DNAH7: variants seen among roughly 807,000 people sequenced by gnomAD.
DNAH7 encodes dynein axonemal heavy chain 7.
A neutral mutation model predicts 444.6 loss-of-function variants in DNAH7; 397 were observed. The observed-to-expected ratio is 0.89, with a 90% confidence interval of 0.82 to 0.97. The LOEUF is 0.97. Ranked by LOEUF, DNAH7 falls within the 50% of genes least tolerant of loss-of-function variation. DNAH7 has a pLI of 0.00. For synonymous variants in DNAH7, 1,636 were observed against 1,624.4 expected, an observed-to-expected ratio of 1.01 and a Z score of -0.17; for missense variants, 4,902 against 4,800.8, an observed-to-expected ratio of 1.02 and a Z score of -0.62.
chr2:195,887,881 A>G (rs1019247679), intron 33 of DNAH7, among the ~76,000 whole-genome samples: 1 of 141,742 alleles, frequency 7.1e-6, no homozygotes, highest in Non-Finnish European at 1.5e-5. Flanking sequence ...GAATTTGCCT[A>G]CTTTGGGACC....
At chr2:195,760,052 T>G (rs1371533187) in intron 61 of DNAH7, among the ~76,000 whole-genome samples, 2 of 152,150 alleles carry the variant, frequency 1.3e-5, no homozygotes, top group African/African-American at 4.8e-5. Context: ...CAGACTAACT[T>G]TGGCAACATT....
chr2:195,754,297 T>C lies in DNAH7; in HGVS notation c.11764+40A>G, dbSNP rs1693960365. 12 of 1,568,164 alleles carry C rather than the reference T, an allele frequency of 7.7e-6. No homozygotes were observed. The East Asian group carries it at 2.5e-4, about 33-fold the overall frequency. ...GCTAGAATGTCATGTTTTTGTTCAG[T>C]GCCCAGATATGAGCCGACTCATTCT... is the stretch of plus-strand genomic sequence containing the variant. On this transcript the variant is annotated intron_variant, in intron 63 of 64. Transcript: ENST00000312428.
intron 64 of DNAH7, among the ~76,000 whole-genome samples, chr2:195,739,732 C>A (rs1297243373): frequency 6.6e-6 from 1 of 152,164 alleles, no homozygotes; most frequent in Non-Finnish European, 1.5e-5. Flanking sequence ...TATTTCTAAT[C>A]CTAAAATCAA....
chr2:195,951,361 T>G (rs922267177), intron 19 of DNAH7, among the ~76,000 whole-genome samples: 1 of 152,118 alleles, frequency 6.6e-6, no homozygotes, highest in Non-Finnish European at 1.5e-5. Context: ...TACTTCCAAT[T>G]ATGTGGCCAA....
chr2:195,737,821 T>TGTATTTAAACAAAC lies in DNAH7; in HGVS notation c.*86_*99dup. The stretch of plus-strand genomic sequence containing the variant: ...ATTCATAATTATAACTTTAGTCAAA[T>TGTATTTAAACAAAC]GTATTTAAACAAACAAAAAAAAAGG... On this transcript the variant is annotated 3_prime_UTR_variant, in exon 65 of 65. Transcript: ENST00000312428. The TGTATTTAAACAAAC allele has an allele frequency of 1.9e-6, 2 of 1,028,288 alleles. No individual in the cohort carries two copies. The highest frequency in any genetic ancestry group is 2.8e-6 in the Non-Finnish European group (2 of 711,314). 63.7% of individuals were successfully genotyped at this position (1,028,288 alleles called of 1,614,324 possible).
At chr2:195,806,463 G>T (rs1019155260) in intron 54 of DNAH7, among the ~76,000 whole-genome samples, 4 of 152,000 alleles carry the variant, frequency 2.6e-5, no homozygotes, top group Non-Finnish European at 4.4e-5. Context: ...AATATGTAAA[G>T]GGAGTAGATT....
chr2:195,747,107 CTAAT>C (rs1283992404), intron 63 of DNAH7, among the ~76,000 whole-genome samples: 2 of 151,816 alleles, frequency 1.3e-5, no homozygotes, highest in African/African-American at 4.8e-5. Flanking sequence ...GCTAGCAAGA[CTAAT>C]AAAGAAGAAA....
intron 51 of DNAH7, among the ~76,000 whole-genome samples, chr2:195,815,624 T>C (rs1271934181): frequency 1.3e-5 from 2 of 152,248 alleles, no homozygotes; most frequent in Non-Finnish European, 1.5e-5. Context: ...TTTAGGTTCA[T>C]ACTGATCAAG....
At chr2:195,751,618 C>T (rs1207313867) in intron 63 of DNAH7, among the ~76,000 whole-genome samples, 4 of 152,076 alleles carry the variant, frequency 2.6e-5, no homozygotes, top group Admixed American at 6.6e-5. Context: ...GTGAAATGGG[C>T]GGCTCCAACA....
chr2:195,953,390 T>G lies in DNAH7; in HGVS notation c.3078+3871A>C, dbSNP rs541284122. Among the ~76,000 whole-genome samples, 39 of 152,258 alleles carry G rather than the reference T, an allele frequency of 2.6e-4. 1 individual carries two copies. The highest frequency in any genetic ancestry group is 7.9e-4 in the African/African-American group (33 of 41,572). The stretch of plus-strand genomic sequence containing the variant: ...CTGTTGACCCTGGCTGGGAGGTATT[T>G]CCCAGTCAGGAGGCACAGAGGTCAG... On this transcript the variant is annotated intron_variant, in intron 19 of 64. Transcript: ENST00000312428.
chr2:195,882,023 G>C (rs766170853), intron 35 of DNAH7, 31 bp from the exon 36 acceptor site: 1 of 1,575,174 alleles, frequency 6.3e-7, no homozygotes, highest in Non-Finnish European at 8.7e-7. Flanking sequence ...AGTAATGAAT[G>C]CTATAAAATA....
At chr2:195,917,603 G>A (rs535223188) in intron 24 of DNAH7, among the ~76,000 whole-genome samples, 6 of 152,124 alleles carry the variant, frequency 3.9e-5, no homozygotes, top group Non-Finnish European at 8.8e-5. Flanking sequence ...TCTAAAACTT[G>A]CCTCAATCTC....
chr2:195,895,207 C>T lies in DNAH7; in HGVS notation c.4665G>A (p.Leu1555=). ...LPLFEGITSD[L]FPGVKLPKPD... ...GTTTTGGTAATTTTACCCCAGGAAACAAATCCGAAGTAATTCCCTGATGAT... is the reference window on the plus strand; with the variant it reads ...GTTTTGGTAATTTTACCCCAGGAAATAAATCCGAAGTAATTCCCTGATGAT... The change falls in exon 30 of 65, where the codon TTG becomes TTA. Residue 1555 remains leucine (L), a synonymous_variant. Transcript: ENST00000312428. 1 of 1,607,070 alleles carries T rather than the reference C, an allele frequency of 6.2e-7. No homozygotes were observed. The highest frequency in any genetic ancestry group is 8.5e-7 in the Non-Finnish European group (1 of 1,175,044).
At chr2:195,814,148 C>G (rs190154355) in intron 51 of DNAH7, among the ~76,000 whole-genome samples, 2 of 152,174 alleles carry the variant, frequency 1.3e-5, no homozygotes, top group African/African-American at 4.8e-5. Context: ...TATGAGAATT[C>G]ACTGGGCAAA....
chr2:195,808,681 C>G lies in DNAH7; in HGVS notation c.10083+1G>C, dbSNP rs1443828661. 1.2e-6 allele frequency: 2 copies of G among 1,613,460 alleles called. No individual in the cohort carries two copies. Among genetic ancestry groups the G allele is most frequent in the Non-Finnish European group, 1.7e-6 (2 of 1,179,850 alleles). On this transcript the variant is annotated splice_donor_variant, in intron 53 of 64. Coordinates refer to ENST00000312428, the MANE Select transcript of DNAH7 (RefSeq NM_018897.3). LOFTEE classifies it high-confidence loss of function. The stretch of plus-strand genomic sequence containing the variant: ...GAATAAGTGAGAGGGTTAAAACATA[C>G]CAAACTATCATATACTTTCTTCCAT...
chr2:195,988,093 T>C lies in DNAH7; in HGVS notation c.1490A>G (p.Tyr497Cys). Reference protein sequence around the residue: ...PTEHLRLYDKYDFLITRKAER... With the variant: ...PTEHLRLYDKCDFLITRKAER... ...AGCTTTTCTGGTAATTAAAAAGTCA[T>C]ACTTGTCATAGAGTCTGAGGTGCTC... Residue 497 changes from tyrosine (Y) to cysteine (C), a missense_variant, in exon 13 of 65, where the codon TAT (tyrosine) becomes TGT (cysteine). By Grantham distance (194) the Tyr-to-Cys change is radical (BLOSUM62 -2). Transcript: ENST00000312428. 6.2e-7 allele frequency: 1 copy of C among 1,613,806 alleles called. No homozygotes were observed. Among genetic ancestry groups the C allele is most frequent in the African/African-American group, 1.3e-5 (1 of 75,048 alleles).
At chr2:195,956,650 CAA>C (rs34080750) in intron 19 of DNAH7, among the ~76,000 whole-genome samples, 40,794 of 125,156 alleles carry the variant, frequency 0.33, 8,191 homozygotes, top group African/African-American at 0.61. Flanking sequence ...GACTCTGTCT[CAA>C]AAAAAAAAAA....
intron 48 of DNAH7, among the ~76,000 whole-genome samples, chr2:195,830,731 A>G (rs559177604): frequency 1.3e-5 from 2 of 152,318 alleles, no homozygotes; most frequent in East Asian, 3.9e-4. Flanking sequence ...ACAAGCTAAG[A>G]GATTGAAACA....
At chr2:195,753,425 T>A (rs901650975) in intron 63 of DNAH7, among the ~76,000 whole-genome samples, 4 of 152,188 alleles carry the variant, frequency 2.6e-5, no homozygotes, top group African/African-American at 9.7e-5. Context: ...TATCATACAC[T>A]GTTGTGATTA....
Sources: allele counts gnomAD v4.1 joint callset (sites outside exome capture counted in the v4.1 genomes callset), GRCh38; gene constraint gnomAD v4.1.1; transcripts MANE v1.5; gene names NCBI Gene and HGNC (gene_info 2026-07-23, HGNC 2026-07-21).